EFNA2: variants seen among roughly 807,000 people sequenced by gnomAD.
EFNA2 encodes the protein ephrin-A2.
In EFNA2, 18 loss-of-function variants were observed where a neutral mutation model predicts 19.7. That is an observed-to-expected ratio of 0.91 (90% CI 0.63 to 1.35). EFNA2 has a LOEUF of 1.35. Among genes scored for constraint, EFNA2 ranks in the 40% most tolerant of loss-of-function variants. The probability of loss-of-function intolerance (pLI) is 0.00; values close to 1 mark genes in which losing one functional copy is unlikely to be tolerated. For synonymous variants in EFNA2, 187 were observed against 137.8 expected (o/e 1.36, Z -2.50); for missense variants, 303 against 296.0 (o/e 1.02, Z -0.17).
In EFNA2 at chr19:1,297,944, C is replaced by A. The variant is rs539747704; in HGVS notation, c.455-607C>A. 3.5e-4 allele frequency among the ~76,000 whole-genome samples: 53 copies of A among 152,050 alleles called. No homozygotes were observed. Among genetic ancestry groups the A allele is most frequent in the African/African-American group, 1.3e-3 (53 of 41,450 alleles). On this transcript the variant is annotated intron_variant, in intron 2 of 3. Transcript: ENST00000215368. This position sits in a 1 kb window ranked among gnomAD's most constrained non-coding sequence, Gnocchi z 5.0. ...AAAATTAGCCAGGCATGGTGGCACA[C>A]ATTTGTAATCCTGTTTACTTGGGAG...
At chr19:1,290,624 G>A (rs1313359339) in intron 1 of EFNA2, among the ~76,000 whole-genome samples, 1 of 152,152 alleles carries the variant, frequency 6.6e-6, no homozygotes, top group Non-Finnish European at 1.5e-5. Context: ...GTGGCCGTGT[G>A]TTCCCCGGGA....
chr19:1,289,926 T>G (rs2081483513), intron 1 of EFNA2, among the ~76,000 whole-genome samples: 1 of 151,796 alleles, frequency 6.6e-6, no homozygotes, highest in Admixed American at 6.6e-5. Flanking sequence ...TGAGAGAAGC[T>G]GGTCCACTCG....
intron 1 of EFNA2, among the ~76,000 whole-genome samples, chr19:1,289,445 C>T (rs966176865): frequency 2.0e-5 from 3 of 152,208 alleles, no homozygotes; most frequent in Non-Finnish European, 4.4e-5. Flanking sequence ...GTGGCCCCAG[C>T]ACGGTCCACA....
chr19:1,285,027 C>T (rs2081456814), upstream of EFNA2, among the ~76,000 whole-genome samples: 1 of 152,214 alleles, frequency 6.6e-6, no homozygotes, highest in Non-Finnish European at 1.5e-5. The surrounding 1 kb of genome is among the most constrained non-coding windows in gnomAD (Gnocchi z 4.1). Flanking sequence ...GTGGGAAGAT[C>T]GCCTGAGCCC....
chr19:1,284,757 G>C (rs539274897), upstream of EFNA2, among the ~76,000 whole-genome samples: 14 of 152,336 alleles, frequency 9.2e-5, no homozygotes. This position sits in a 1 kb window ranked among gnomAD's most constrained non-coding sequence, Gnocchi z 5.3. Flanking sequence ...GCCTCACACA[G>C]GGACCTTCGG....
chr19:1,297,429 C>T lies in EFNA2; in HGVS notation c.455-1122C>T, dbSNP rs958299763. 9.2e-5 allele frequency among the ~76,000 whole-genome samples: 14 copies of T among 152,136 alleles called. No homozygotes were observed. Among genetic ancestry groups the T allele is most frequent in the Non-Finnish European group, 1.8e-4 (12 of 68,014 alleles). On this transcript the variant is annotated intron_variant, in intron 2 of 3. Transcript: ENST00000215368. The surrounding 1 kb of genome is among the most constrained non-coding windows in gnomAD (Gnocchi z 5.0). Reference sequence around the variant, plus strand: ...CATAAAGATAATTATTGTAATTATTCGTCCTACCTCTGTGATGAATGTTAT... The same window carrying T: ...CATAAAGATAATTATTGTAATTATTTGTCCTACCTCTGTGATGAATGTTAT...
In EFNA2 at chr19:1,296,000, G is replaced by A; in HGVS notation, c.454+142G>A. On this transcript the variant is annotated intron_variant, in intron 2 of 3. Coordinates refer to ENST00000215368, the MANE Select transcript of EFNA2 (RefSeq NM_001405.4). This position sits in a 1 kb window ranked among gnomAD's most constrained non-coding sequence, Gnocchi z 5.8. Reference sequence around the variant, plus strand: ...GGGCGGGGCCGCGGTGTGGGGCCAGGGGGGAGTGGGCGGGGCCGCGGAATG... The same window carrying A: ...GGGCGGGGCCGCGGTGTGGGGCCAGAGGGGAGTGGGCGGGGCCGCGGAATG... 1.5e-6 allele frequency: 1 copy of A among 662,036 alleles called. No homozygotes were observed. The highest frequency in any genetic ancestry group is 2.2e-6 in the Non-Finnish European group (1 of 461,542). 41.0% of individuals were successfully genotyped at this position (662,036 alleles called of 1,614,324 possible).
In EFNA2 at chr19:1,290,090, C is replaced by T. The variant is rs953407643; in HGVS notation, c.140+3782C>T. On this transcript the variant is annotated intron_variant, in intron 1 of 3. Coordinates refer to ENST00000215368, the MANE Select transcript of EFNA2 (RefSeq NM_001405.4). ...CAGGTGGCTTAGCAGCCTGGAACCCCCAGGCCTGCTCTGCGAAGTGGGGGT... is the reference window on the plus strand; with the variant it reads ...CAGGTGGCTTAGCAGCCTGGAACCCTCAGGCCTGCTCTGCGAAGTGGGGGT... Among the ~76,000 whole-genome samples, 12 of 152,082 alleles carry T rather than the reference C, an allele frequency of 7.9e-5. No individual in the cohort carries two copies. In the South Asian group the frequency reaches 2.3e-3, roughly 29 times the overall value.
At chr19:1,293,590 GC>G in intron 1 of EFNA2, among the ~76,000 whole-genome samples, 1 of 152,318 alleles carries the variant, frequency 6.6e-6, no homozygotes, top group East Asian at 1.9e-4. Flanking sequence ...CCCCGGAAGG[GC>G]CCCTGCCCTC....
rs532558401 is a variant in EFNA2, at chr19:1,295,875, C to T, written c.454+17C>T. ...ACTACATCTGTGAGTGGGGTCGGGC[C>T]GGGGCTGCCGGGGCCCGAGTGGGCG... On this transcript the variant is annotated intron_variant, in intron 2 of 3. Transcript: ENST00000215368. This position sits in a 1 kb window ranked among gnomAD's most constrained non-coding sequence, Gnocchi z 5.8. The T allele has an allele frequency of 8.2e-5, 105 of 1,277,874 alleles. 1 individual carries two copies. In the African/African-American group the frequency reaches 1.6e-3, roughly 20 times the overall value. 79.2% of individuals were successfully genotyped at this position (1,277,874 alleles called of 1,614,324 possible).
rs2081541916 is a variant in EFNA2, at chr19:1,301,253, C to T, written c.*1308C>T. 6.8e-6 allele frequency among the ~76,000 whole-genome samples: 1 copy of T among 147,014 alleles called. No homozygotes were observed. Among genetic ancestry groups the T allele is most frequent in the Non-Finnish European group, 1.5e-5 (1 of 66,954 alleles). On this transcript the variant is annotated 3_prime_UTR_variant, in exon 4 of 4. Coordinates refer to ENST00000215368, the MANE Select transcript of EFNA2 (RefSeq NM_001405.4). ...TATATAAATATATATTGTGTACGGC[C>T]GCCGGCCGGCGGCTCGAGGCACGCC... is the stretch of plus-strand genomic sequence containing the variant.
At chr19:1,290,111 G>A (rs1467603351) in intron 1 of EFNA2, among the ~76,000 whole-genome samples, 1 of 152,000 alleles carries the variant, frequency 6.6e-6, no homozygotes, top group Non-Finnish European at 1.5e-5. Flanking sequence ...CTGCGAAGTG[G>A]GGGTGACGGA....
intron 1 of EFNA2, among the ~76,000 whole-genome samples, chr19:1,293,139 C>T (rs917191754): frequency 2.0e-5 from 3 of 152,196 alleles, no homozygotes; most frequent in Non-Finnish European, 2.9e-5. Flanking sequence ...GGAGCCCAGA[C>T]GCCCCTGTGG....
Position 1,295,071 on chromosome 19 carries a change from G to A in EFNA2, c.141-474G>A, listed in dbSNP as rs565610234. Among the ~76,000 whole-genome samples the A allele has an allele frequency of 6.6e-6, 1 of 152,208 alleles. No homozygotes were observed. Among genetic ancestry groups the A allele is most frequent in the African/African-American group, 2.4e-5 (1 of 41,528 alleles). The stretch of plus-strand genomic sequence containing the variant: ...CTGGCCCTGCCGTGGGGCTGTTGGG[G>A]ACACTGAGGCAGGAGGTGGGGGGCA... On this transcript the variant is annotated intron_variant, in intron 1 of 3. Coordinates refer to ENST00000215368, the MANE Select transcript of EFNA2 (RefSeq NM_001405.4). The surrounding 1 kb of genome is among the most constrained non-coding windows in gnomAD (Gnocchi z 5.8).
chr19:1,295,623 C>T lies in EFNA2; in HGVS notation c.219C>T (p.Cys73=), dbSNP rs1031867754. ...VSINDYLDIY[C]PHYGAPLPPA... ...TCAATGACTACCTGGACATCTACTGCCCGCACTATGGGGCGCCGCTGCCGC... is the reference window on the plus strand; with the variant it reads ...TCAATGACTACCTGGACATCTACTGTCCGCACTATGGGGCGCCGCTGCCGC... Residue 73 remains cysteine, a synonymous_variant, in exon 2 of 4, where the codon TGC becomes TGT. Transcript: ENST00000215368. This position sits in a 1 kb window ranked among gnomAD's most constrained non-coding sequence, Gnocchi z 5.8. The T allele has an allele frequency of 1.5e-5, 24 of 1,611,662 alleles. No homozygotes were observed. Among genetic ancestry groups the T allele is most frequent in the Non-Finnish European group, 1.9e-5 (22 of 1,179,458 alleles).
At chr19:1,285,544 G>A (rs1048553919), upstream of EFNA2, among the ~76,000 whole-genome samples, 2 of 152,154 alleles carry the variant, frequency 1.3e-5, no homozygotes, top group Non-Finnish European at 2.9e-5. The surrounding 1 kb of genome is among the most constrained non-coding windows in gnomAD (Gnocchi z 4.1). Context: ...GGACGCGTGC[G>A]TCGGGGTTGG....
Position 1,292,023 on chromosome 19 carries a change from C to T in EFNA2, c.141-3522C>T, listed in dbSNP as rs556173591. 3.3e-5 allele frequency among the ~76,000 whole-genome samples: 5 copies of T among 152,360 alleles called. No individual in the cohort carries two copies. The South Asian group carries it at 1.0e-3, about 32-fold the overall frequency. On this transcript the variant is annotated intron_variant, in intron 1 of 3. Coordinates refer to ENST00000215368, the MANE Select transcript of EFNA2 (RefSeq NM_001405.4). ...TGTCTGGGAAAAATCCCAAATCAGT[C>T]ATTAACCCCTTAGTGAGAATTTCAG...
intron 1 of EFNA2, among the ~76,000 whole-genome samples, chr19:1,293,426 G>GC (rs1489606898): frequency 6.6e-6 from 1 of 152,230 alleles, no homozygotes; most frequent in Non-Finnish European, 1.5e-5. Context: ...TATGGGGGCT[G>GC]CCCCCGTGTC....
Position 1,286,269 on chromosome 19 carries a change from C to A in EFNA2, c.101C>A (p.Ser34Ter). ...GCCGAGGACGCCGCCCGCGCCAACTCGGACCGCTACGCCGTCTACTGGAAC... is the reference window on the plus strand; with the variant it reads ...GCCGAGGACGCCGCCCGCGCCAACTAGGACCGCTACGCCGTCTACTGGAAC... ...ARAEDAARAN[S>*]DRYAVYWNRS... is the part of the protein sequence containing the mutation. Residue 34 changes from serine to a stop codon, truncating the protein, a stop_gained, in exon 1 of 4, where the codon TCG becomes TAG. Coordinates refer to ENST00000215368, the MANE Select transcript of EFNA2 (RefSeq NM_001405.4). LOFTEE classifies it high-confidence loss of function. This position sits in a 1 kb window ranked among gnomAD's most constrained non-coding sequence, Gnocchi z 5.6. 2 of 1,111,446 alleles carry A rather than the reference C, an allele frequency of 1.8e-6. No individual in the cohort carries two copies. Among genetic ancestry groups the A allele is most frequent in the Middle Eastern group, 4.1e-4 (1 of 2,412 alleles). The allele number at this position is 1,111,446 out of a possible 1,614,324, so 68.8% of individuals were successfully genotyped here.
Sources: gnomAD v4.1 joint callset for allele counts (sites outside exome capture counted in the v4.1 genomes callset) on GRCh38, gnomAD v4.1.1 for gene constraint, Gnocchi (gnomAD v3.1) non-coding constraint, MANE v1.5 for transcripts, NCBI Gene and HGNC (gene_info 2026-07-23, HGNC 2026-07-21) for gene names.